The following LRRTM4 variants were observed in gnomAD, a reference collection of about 807,000 sequenced individuals.
The protein encoded by LRRTM4 is leucine-rich repeat transmembrane neuronal protein 4.
A neutral mutation model predicts 47.6 loss-of-function variants in LRRTM4; 25 were observed. That is an observed-to-expected ratio of 0.53 (90% CI 0.38 to 0.73). LRRTM4 has a LOEUF of 0.73. Ranked by LOEUF, LRRTM4 falls within the 30% of genes least tolerant of loss-of-function variation. The probability of loss-of-function intolerance (pLI) is 0.00; values close to 1 mark genes in which losing one functional copy is unlikely to be tolerated. For missense variants in LRRTM4, 638 were observed against 713.4 expected (o/e 0.89, Z 1.20); for synonymous variants, 311 against 269.5 (o/e 1.15, Z -1.51).
chr2:76,930,389 G>A (rs1157769164), intron 3 of LRRTM4, among the ~76,000 whole-genome samples: 1 of 152,164 alleles, frequency 6.6e-6, no homozygotes, highest in African/African-American at 2.4e-5. Flanking sequence ...TCTGTAATTA[G>A]TAAACGTGTC....
intron 3 of LRRTM4, among the ~76,000 whole-genome samples, chr2:77,213,541 T>C (rs376780321): frequency 6.6e-6 from 1 of 152,196 alleles, no homozygotes; most frequent in Non-Finnish European, 1.5e-5. Context: ...ACACTTTCAA[T>C]AATGTTAGCT....
chr2:77,023,298 G>T (rs1203094142), intron 3 of LRRTM4, among the ~76,000 whole-genome samples: 1 of 152,146 alleles, frequency 6.6e-6, no homozygotes, highest in Non-Finnish European at 1.5e-5. Context: ...TAGATCTCTG[G>T]GTCTGTGATG....
intron 3 of LRRTM4, among the ~76,000 whole-genome samples, chr2:77,162,770 G>C (rs1003171307): frequency 7.2e-5 from 11 of 152,142 alleles, no homozygotes; most frequent in Admixed American, 7.2e-4. Flanking sequence ...CTGACTGTTA[G>C]AAGGAAAACT....
intron 3 of LRRTM4, among the ~76,000 whole-genome samples, chr2:77,072,836 T>C (rs951672377): frequency 3.4e-5 from 5 of 148,420 alleles, no homozygotes; most frequent in Non-Finnish European, 5.9e-5. Flanking sequence ...AAGGCTGCCT[T>C]ACAGTTTCCA....
intron 3 of LRRTM4, among the ~76,000 whole-genome samples, chr2:77,453,730 A>T (rs1346497697): frequency 7.2e-5 from 11 of 151,948 alleles, no homozygotes; most frequent in Admixed American, 7.2e-4. Flanking sequence ...TTTCTGTGGT[A>T]TTTCTTTTGG....
At chr2:76,825,232 A>T (rs1270859929) in intron 3 of LRRTM4, among the ~76,000 whole-genome samples, 1 of 151,706 alleles carries the variant, frequency 6.6e-6, no homozygotes, top group Non-Finnish European at 1.5e-5. Flanking sequence ...AGTCTTCTAT[A>T]TGCTGGGTGG....
At chr2:76,878,518 AAAG>A (rs1198876200) in intron 3 of LRRTM4, among the ~76,000 whole-genome samples, 1 of 152,118 alleles carries the variant, frequency 6.6e-6, no homozygotes, top group African/African-American at 2.4e-5. Flanking sequence ...AAAAAAAAAA[AAAG>A]TTCTTAAAGA....
At chr2:77,466,423 G>A (rs1241943376) in intron 3 of LRRTM4, among the ~76,000 whole-genome samples, 1 of 152,162 alleles carries the variant, frequency 6.6e-6, no homozygotes, top group Non-Finnish European at 1.5e-5. Flanking sequence ...AATGTTCTGA[G>A]AGAGATGCCT....
At chr2:77,474,864 T>A (rs1677325346) in intron 3 of LRRTM4, among the ~76,000 whole-genome samples, 2 of 152,110 alleles carry the variant, frequency 1.3e-5, no homozygotes, top group African/African-American at 4.8e-5. Context: ...AAATGACACA[T>A]GCCTTCGTAA....
intron 3 of LRRTM4, among the ~76,000 whole-genome samples, chr2:76,977,114 C>CT (rs1020959352): frequency 4.0e-5 from 6 of 151,524 alleles, no homozygotes; most frequent in African/African-American, 1.5e-4. Context: ...AACCTGGCCT[C>CT]TTCCCTTGGG....
At chr2:76,848,482 AC>A (rs1671899030) in intron 3 of LRRTM4, among the ~76,000 whole-genome samples, 1 of 152,102 alleles carries the variant, frequency 6.6e-6, no homozygotes, top group Admixed American at 6.6e-5. Context: ...GGATATTTTG[AC>A]ATTTTTCAAA....
intron 3 of LRRTM4, among the ~76,000 whole-genome samples, chr2:77,206,602 A>G (rs1297930658): frequency 6.6e-6 from 1 of 151,960 alleles, no homozygotes; most frequent in African/African-American, 2.4e-5. Flanking sequence ...CTCATGCCTC[A>G]GCCTCCCGAG....
At chr2:76,770,460 T>C (rs1411392093) in intron 3 of LRRTM4, among the ~76,000 whole-genome samples, 1 of 152,170 alleles carries the variant, frequency 6.6e-6, no homozygotes, top group Admixed American at 6.5e-5. Flanking sequence ...GAGGGTAAGG[T>C]TTGTGTCTTG....
intron 3 of LRRTM4, among the ~76,000 whole-genome samples, chr2:76,932,690 CAT>C (rs1340406528): frequency 2.0e-5 from 3 of 151,704 alleles, no homozygotes; most frequent in African/African-American, 4.8e-5. Context: ...ATATATATGA[CAT>C]GTTATATATA....
chr2:77,092,653 G>A lies in LRRTM4; in HGVS notation c.1552-343737C>T, dbSNP rs577846467. Among the ~76,000 whole-genome samples, 760 of 144,732 alleles carry A rather than the reference G, an allele frequency of 5.3e-3. 11 individuals carry two copies. Among genetic ancestry groups the A allele is most frequent in the African/African-American group, 0.019 (693 of 35,778 alleles). The allele number at this position is 144,732 out of a possible 152,430, so 94.9% of individuals were successfully genotyped here. A position where few individuals can be genotyped will look rare whatever the true frequency, so the allele number is the denominator to read the frequency against. On this transcript the variant is annotated intron_variant, in intron 3 of 3. Transcript: ENST00000409884. ...AAAACTAAAATACCTCTTAGTCTAGGTAGATACTTTCACTGGATAGGTACA... is the reference window on the plus strand; with the variant it reads ...AAAACTAAAATACCTCTTAGTCTAGATAGATACTTTCACTGGATAGGTACA...
chr2:76,942,019 ATGG>A (rs1675161666), intron 3 of LRRTM4, among the ~76,000 whole-genome samples: 1 of 152,270 alleles, frequency 6.6e-6, no homozygotes, highest in South Asian at 2.1e-4. Flanking sequence ...CTGGAGAGAG[ATGG>A]TAACACATTG....
At chr2:76,846,181 A>G (rs1671831978) in intron 3 of LRRTM4, among the ~76,000 whole-genome samples, 1 of 152,050 alleles carries the variant, frequency 6.6e-6, no homozygotes, top group East Asian at 1.9e-4. Context: ...GATGACTGTA[A>G]TTCCAAAACG....
intron 3 of LRRTM4, among the ~76,000 whole-genome samples, chr2:77,360,245 C>T (rs1372903025): frequency 6.6e-6 from 1 of 152,028 alleles, no homozygotes; most frequent in East Asian, 1.9e-4. Context: ...ATCACGAGGT[C>T]AGGAGACAGA....
At chr2:76,881,914 G>A (rs1442109900) in intron 3 of LRRTM4, among the ~76,000 whole-genome samples, 1 of 152,040 alleles carries the variant, frequency 6.6e-6, no homozygotes, top group African/African-American at 2.4e-5. Context: ...GTATTTTTGT[G>A]TCAGAAATAC....
Sources: allele counts gnomAD v4.1 joint callset (sites outside exome capture counted in the v4.1 genomes callset), GRCh38; gene constraint gnomAD v4.1.1; transcripts MANE v1.5; gene names NCBI Gene and HGNC (gene_info 2026-07-23, HGNC 2026-07-21).